The following PHF8 variants were observed in gnomAD, a reference collection of about 807,000 sequenced individuals.
The protein encoded by PHF8 is histone lysine demethylase PHF8.
PHF8 carries 9 observed loss-of-function variants against 74.4 expected under a neutral mutation model. That is an observed-to-expected ratio of 0.12 (90% CI 0.07 to 0.21). PHF8 has a LOEUF of 0.21. PHF8 is among the 10% of genes least tolerant of loss of function. The probability of loss-of-function intolerance (pLI) is 1.00; values close to 1 mark genes in which losing one functional copy is unlikely to be tolerated. For synonymous variants in PHF8, 311 were observed against 316.6 expected (o/e 0.98, Z 0.19); for missense variants, 478 against 816.6 (o/e 0.59, Z 5.05).
rs368027407 is a variant in PHF8, at chrX:54,021,696, C to T, written c.293+563G>A. On this transcript the variant is annotated intron_variant, in intron 4 of 21. Transcript: ENST00000338154. Reference sequence around the variant, plus strand: ...TTTTAGCCGGGATGGTCTCAATCTCCTGACCTCGTGATCCGCCCGCCTCGG... The same window carrying T: ...TTTTAGCCGGGATGGTCTCAATCTCTTGACCTCGTGATCCGCCCGCCTCGG... Among the ~76,000 whole-genome samples, 11 of 108,678 alleles carry T rather than the reference C, an allele frequency of 1.0e-4. 1 individual carries two copies. The highest frequency in any genetic ancestry group is 4.0e-4 in the South Asian group (1 of 2,513). The allele number at this position is 108,678 out of a possible 115,157, so 94.4% of individuals were successfully genotyped here.
At chrX:53,942,034 T>C (rs782787814) in intron 20 of PHF8, among the ~76,000 whole-genome samples, 36 of 111,877 alleles carry the variant, frequency 3.2e-4, no homozygotes, top group Middle Eastern at 4.6e-3. Flanking sequence ...AGCCTAAATT[T>C]TGCTACCTTT....
Position 53,938,625 on chromosome X carries a change from G to A in PHF8, c.*533C>T. ...CCTCTTCATTTCCATGAAGCATTTG[G>A]CAAGAGGGGGCAGAGACCACAGCCT... On this transcript the variant is annotated 3_prime_UTR_variant, in exon 22 of 22. Transcript: ENST00000338154. 1 of 757,523 alleles carries A rather than the reference G, an allele frequency of 1.3e-6. No homozygotes were observed. The highest frequency in any genetic ancestry group is 1.6e-6 in the Non-Finnish European group (1 of 641,487). 62.4% of individuals were successfully genotyped at this position (757,523 alleles called of 1,213,427 possible).
intron 4 of PHF8, among the ~76,000 whole-genome samples, chrX:54,021,454 ATTTTTTTTTTTTTT>A (rs1156928686): frequency 0.023 from 978 of 42,262 alleles, 21 homozygotes; most frequent in African/African-American, 0.068. Context: ...AGTTGCAATT[ATTTTTTTTTTTTTT>A]TTTTTTTTTT....
chrX:54,041,253 G>A lies in PHF8; in HGVS notation c.98+1378C>T, dbSNP rs782692683. 2.7e-3 allele frequency among the ~76,000 whole-genome samples: 293 copies of A among 108,861 alleles called. 2 individuals carry two copies. Among genetic ancestry groups the A allele is most frequent in the African/African-American group, 9.4e-3 (282 of 29,922 alleles). 94.5% of individuals were successfully genotyped at this position (108,861 alleles called of 115,157 possible). A position where few individuals can be genotyped will look rare whatever the true frequency, so the allele number is the denominator to read the frequency against. ...AAAAAAATTTGCCGGGCGTGGTGGC[G>A]TGCACCTGTAATCCCAGCTACTCGG... is the stretch of plus-strand genomic sequence containing the variant. On this transcript the variant is annotated intron_variant, in intron 2 of 21. Coordinates refer to ENST00000338154, the MANE Select transcript of PHF8 (RefSeq NM_015107.3).
chrX:53,947,217 G>T (rs998580311), intron 19 of PHF8, among the ~76,000 whole-genome samples: 9 of 111,198 alleles, frequency 8.1e-5, no homozygotes, highest in African/African-American at 2.6e-4. Flanking sequence ...TCACCATGTT[G>T]GCCAGGATGG....
At chrX:54,010,280 G>A (rs1208949291) in intron 8 of PHF8, among the ~76,000 whole-genome samples, 7 of 111,187 alleles carry the variant, frequency 6.3e-5, no homozygotes, top group East Asian at 2.8e-4. Context: ...AGACGAGATC[G>A]CATCACTGCA....
intron 19 of PHF8, among the ~76,000 whole-genome samples, chrX:53,945,868 T>C (rs185286469): frequency 4.5e-4 from 50 of 112,355 alleles, no homozygotes; most frequent in African/African-American, 1.4e-3. Context: ...ATGATCTGTA[T>C]AAATTACTTG....
chrX:53,989,116 C>T (rs1405023324), intron 14 of PHF8, among the ~76,000 whole-genome samples: 1 of 109,965 alleles, frequency 9.1e-6, no homozygotes, highest in Admixed American at 9.8e-5. Context: ...GCACCCACCA[C>T]CATGTCTGGC....
At chrX:54,035,271 C>T (rs1273182353) in intron 2 of PHF8, among the ~76,000 whole-genome samples, 2 of 107,019 alleles carry the variant, frequency 1.9e-5, no homozygotes, top group African/African-American at 3.4e-5. Context: ...GTGGGAGAAT[C>T]GCTTGAACCC....
At chrX:54,036,403 AAAC>A (rs1344703622) in intron 2 of PHF8, among the ~76,000 whole-genome samples, 13 of 108,010 alleles carry the variant, frequency 1.2e-4, no homozygotes, top group Non-Finnish European at 1.9e-4. Flanking sequence ...CTTCAAAATT[AAAC>A]AACATACTTC....
At chrX:54,023,237 G>A (rs1370743450) in intron 2 of PHF8, among the ~76,000 whole-genome samples, 4 of 110,916 alleles carry the variant, frequency 3.6e-5, no homozygotes, top group Non-Finnish European at 5.7e-5. Flanking sequence ...TCTGCCTCCC[G>A]AAGTGCTAGG....
intron 18 of PHF8, among the ~76,000 whole-genome samples, chrX:53,981,873 G>T (rs960029739): frequency 2.7e-5 from 3 of 111,960 alleles, no homozygotes; most frequent in African/African-American, 9.7e-5. Context: ...TCCCAGTATA[G>T]CCGAAATGCC....
At chrX:53,993,930 G>A in intron 12 of PHF8, 27 bp from the exon 13 acceptor site, 1 of 1,094,664 alleles carries the variant, frequency 9.1e-7, no homozygotes, top group South Asian at 1.9e-5. Context: ...ACATGAGGGG[G>A]TTAGAGCTTA....
At chrX:53,986,769 C>CA (rs1381036410) in intron 16 of PHF8, among the ~76,000 whole-genome samples, 5 of 109,333 alleles carry the variant, frequency 4.6e-5, no homozygotes, top group African/African-American at 1.3e-4. Context: ...CCTATCTCTA[C>CA]AAAAAAAAAT....
chrX:53,996,829 G>A (rs2065757099), intron 11 of PHF8, among the ~76,000 whole-genome samples: 1 of 112,345 alleles, frequency 8.9e-6, no homozygotes, highest in Non-Finnish European at 1.9e-5. Context: ...TTACGGGCGT[G>A]AGCCACTGCA....
intron 2 of PHF8, among the ~76,000 whole-genome samples, chrX:54,034,594 G>A (rs372181953): frequency 2.7e-5 from 3 of 110,777 alleles, no homozygotes; most frequent in Non-Finnish European, 3.8e-5. Context: ...AGGCCGAGAC[G>A]TGTGGATCAT....
chrX:54,028,436 C>CT (rs2066304341), intron 2 of PHF8, among the ~76,000 whole-genome samples: 1 of 110,805 alleles, frequency 9.0e-6, no homozygotes, highest in South Asian at 3.8e-4. Context: ...CCGATGAACT[C>CT]TTTTTCTCCT....
In PHF8 at chrX:54,020,947, AC is replaced by A. The variant is rs782539029; in HGVS notation, c.293+1311del. On this transcript the variant is annotated intron_variant, in intron 4 of 21. Coordinates refer to ENST00000338154, the MANE Select transcript of PHF8 (RefSeq NM_015107.3). ...CCAGCAATCCCATTACTGGATTTAC[AC>A]CCAAAGGAAAATAAACCATCTACTA... Among the ~76,000 whole-genome samples the A allele has an allele frequency of 2.7e-5, 3 of 112,166 alleles. No individual in the cohort carries two copies. In the South Asian group the frequency reaches 1.1e-3, roughly 41 times the overall value.
intron 18 of PHF8, among the ~76,000 whole-genome samples, chrX:53,980,551 G>T (rs1557097662): frequency 5.4e-5 from 6 of 111,878 alleles, no homozygotes; most frequent in Non-Finnish European, 1.9e-5. Flanking sequence ...AAGCCACCCA[G>T]TCTGTGATAT....
Sources: gnomAD v4.1 joint callset for allele counts (sites outside exome capture counted in the v4.1 genomes callset) on GRCh38, gnomAD v4.1.1 for gene constraint, MANE v1.5 for transcripts, NCBI Gene and HGNC (gene_info 2026-07-23, HGNC 2026-07-21) for gene names.